The following DNASE1L3 variants were observed in gnomAD, a reference collection of about 807,000 sequenced individuals.
DNASE1L3 encodes the protein deoxyribonuclease 1L3, also known as deoxyribonuclease gamma.
A neutral mutation model predicts 30.9 loss-of-function variants in DNASE1L3; 27 were observed. That is an observed-to-expected ratio of 0.87 (90% CI 0.64 to 1.20). The LOEUF is 1.20. Among genes scored for constraint, DNASE1L3 ranks in the 50% most tolerant of loss-of-function variants. The pLI, the probability that DNASE1L3 is intolerant of heterozygous loss-of-function variation, is 0.00. For missense variants in DNASE1L3, 364 were observed against 378.2 expected (o/e 0.96, Z 0.31); for synonymous variants, 135 against 138.0 (o/e 0.98, Z 0.15).
In DNASE1L3 at chr3:58,192,802, G is replaced by C. The variant is rs113005222; in HGVS notation, c.803C>G (p.Ala268Gly). 3.8e-5 allele frequency: 61 copies of C among 1,612,536 alleles called. No homozygotes were observed. In the African/African-American group the frequency reaches 4.4e-4, roughly 12 times the overall value. Residue 268 changes from alanine (A) to glycine (G), a missense_variant and splice_region_variant, in exon 8 of 8, where the codon GCC becomes GGC. By Grantham distance (60) the Ala-to-Gly change is moderately conservative. Coordinates refer to ENST00000394549, the MANE Select transcript of DNASE1L3 (RefSeq NM_004944.4). The surrounding 1 kb of genome is among the most constrained non-coding windows in gnomAD (Gnocchi z 4.8). ...TGGAAAGTGGTCGCTGACATCCAGG[G>C]CCTATAAGGAGAAAGGGGAGGTAGA... ...QKAYKLTEEEALDVSDHFPVE... is the reference protein window; with the variant it reads ...QKAYKLTEEEGLDVSDHFPVE...
chr3:58,208,083 G>T, intron 2 of DNASE1L3, 135 bp downstream of exon 2: 1 of 770,258 alleles, frequency 1.3e-6, no homozygotes, highest in Non-Finnish European at 2.1e-6. Context: ...TAAGGGAGCT[G>T]GACTCCTGGG....
intron 2 of DNASE1L3, among the ~76,000 whole-genome samples, chr3:58,207,410 C>A: frequency 6.7e-6 from 1 of 148,866 alleles, no homozygotes. Context: ...CACTCCTTCA[C>A]TAACCCCTTT....
chr3:58,199,623 C>T (rs1447023136), intron 5 of DNASE1L3, among the ~76,000 whole-genome samples: 2 of 151,318 alleles, frequency 1.3e-5, no homozygotes, highest in Non-Finnish European at 2.9e-5. Flanking sequence ...GAGATTGCAC[C>T]ATTGCACTCC....
At chr3:58,208,126 C>A in intron 2 of DNASE1L3, 92 bp downstream of exon 2, 1 of 1,245,910 alleles carries the variant, frequency 8.0e-7, no homozygotes, top group Non-Finnish European at 1.2e-6. Context: ...TGGTCAAGTG[C>A]GGGATCTCAC....
rs2097403812 is a variant in DNASE1L3, at chr3:58,206,216, C to A, written c.231-656G>T. Among the ~76,000 whole-genome samples, 3 of 152,196 alleles carry A rather than the reference C, an allele frequency of 2.0e-5. No individual in the cohort carries two copies. The South Asian group carries it at 6.2e-4, about 32-fold the overall frequency. On this transcript the variant is annotated intron_variant, in intron 2 of 7. Coordinates refer to ENST00000394549, the MANE Select transcript of DNASE1L3 (RefSeq NM_004944.4). ...GGACTCTTTCTGTGTGTTTACCAAA[C>A]CTGCTGATAACTCCACTCTGGGCAG...
chr3:58,209,472 C>T (rs2097406244), intron 1 of DNASE1L3, among the ~76,000 whole-genome samples: 1 of 152,180 alleles, frequency 6.6e-6, no homozygotes, highest in South Asian at 2.1e-4. Flanking sequence ...TCATGGCTCC[C>T]ACAGGCTTGG....
chr3:58,197,021 A>G lies in DNASE1L3; in HGVS notation c.704+800T>C, dbSNP rs1324118681. Among the ~76,000 whole-genome samples, 1 of 152,220 alleles carries G rather than the reference A, an allele frequency of 6.6e-6. No homozygotes were observed. Among genetic ancestry groups the G allele is most frequent in the Non-Finnish European group, 1.5e-5 (1 of 68,040 alleles). ...TATTTATAACAGCAAACCCTTGGTA[A>G]TAACCCAATGCCTAATGATGGGGAT... On this transcript the variant is annotated intron_variant, in intron 6 of 7. Coordinates refer to ENST00000394549, the MANE Select transcript of DNASE1L3 (RefSeq NM_004944.4). This position sits in a 1 kb window ranked among gnomAD's most constrained non-coding sequence, Gnocchi z 5.3.
rs755019518 is a variant in DNASE1L3 at position 58,192,840 on chromosome 3, G to A, written c.802-37C>T. On this transcript the variant is annotated intron_variant, in intron 7 of 7. Coordinates refer to ENST00000394549, the MANE Select transcript of DNASE1L3 (RefSeq NM_004944.4). This position sits in a 1 kb window ranked among gnomAD's most constrained non-coding sequence, Gnocchi z 4.8. ...AAGGGGAGGTAGACATGGAAATTAG[G>A]AGATGCCTGGGAGATGCTTTCATTT... The A allele has an allele frequency of 1.2e-6, 2 of 1,602,888 alleles. No individual in the cohort carries two copies. The highest frequency in any genetic ancestry group is 1.8e-5 in the Admixed American group (1 of 56,930).
rs138248740 is a variant in DNASE1L3 at position 58,193,367 on chromosome 3, T to C, written c.777A>G (p.Lys259=). Residue 259 remains lysine, a synonymous_variant, in exon 7 of 8, where the codon AAA becomes AAG. Coordinates refer to ENST00000394549, the MANE Select transcript of DNASE1L3 (RefSeq NM_004944.4). ...CCTCCTCTTCAGTCAGCTTGTAAGC[T>C]TTCTGGAAGTCAAAAACACTGTTTG... ...PKSNSVFDFQ[K]AYKLTEEEAL... is the part of the protein sequence containing the mutation. 5.1e-4 allele frequency: 830 copies of C among 1,614,022 alleles called. No homozygotes were observed. Among genetic ancestry groups the C allele is most frequent in the Non-Finnish European group, 6.7e-4 (792 of 1,180,026 alleles).
chr3:58,205,420 A>C (rs2097403234), intron 3 of DNASE1L3, 51 bp downstream of exon 3: 3 of 1,494,528 alleles, frequency 2.0e-6, no homozygotes, highest in Non-Finnish European at 1.9e-6. Flanking sequence ...ATTTTGATTC[A>C]ATTCACGATT....
At chr3:58,204,920 C>T (rs369683620) in intron 3 of DNASE1L3, 39 bp from the exon 4 acceptor site, 2 of 1,588,956 alleles carry the variant, frequency 1.3e-6, no homozygotes, top group African/African-American at 1.3e-5. Flanking sequence ...GCTGAGTCAG[C>T]CCTTTTCTTA....
chr3:58,208,696 C>T (rs929287023), intron 1 of DNASE1L3, among the ~76,000 whole-genome samples: 2 of 152,046 alleles, frequency 1.3e-5, no homozygotes, highest in Non-Finnish European at 2.9e-5. Flanking sequence ...AGATAACAGA[C>T]TGGATTAGAA....
chr3:58,193,551 G>A (rs1488810442), intron 6 of DNASE1L3, 112 bp from the exon 7 acceptor site: 4 of 896,242 alleles, frequency 4.5e-6, no homozygotes, highest in Non-Finnish European at 5.2e-6. Flanking sequence ...GCCCTTTCAT[G>A]TGGCGCTCAA....
In DNASE1L3 at chr3:58,208,184, T is replaced by G. The variant is rs372702807; in HGVS notation, c.230+34A>C. 4 of 1,607,332 alleles carry G rather than the reference T, an allele frequency of 2.5e-6. No homozygotes were observed. In the East Asian group the frequency reaches 8.9e-5, roughly 36 times the overall value. Reference sequence around the variant, plus strand: ...TTTCAGATGCCCTTGCACTTGACCTTGAGCCCTAGAGGGCCCACCCTTCCC... The same window carrying G: ...TTTCAGATGCCCTTGCACTTGACCTGGAGCCCTAGAGGGCCCACCCTTCCC... On this transcript the variant is annotated intron_variant, in intron 2 of 7. Coordinates refer to ENST00000394549, the MANE Select transcript of DNASE1L3 (RefSeq NM_004944.4).
At chr3:58,195,639 A>AAAAAAAAGG (rs1575495396) in intron 6 of DNASE1L3, among the ~76,000 whole-genome samples, 1 of 149,214 alleles carries the variant, frequency 6.7e-6, no homozygotes, top group African/African-American at 2.5e-5. Context: ...AAAAAAAAAA[A>AAAAAAAAGG]GCGGGGCATG....
chr3:58,201,126 A>G lies in DNASE1L3; in HGVS notation c.434-17T>C, dbSNP rs2097400294. Reference sequence around the variant, plus strand: ...CTTTGACAGCTGAGAAACAGGAAAGAGGCGGGGGTCACACACTTCCCCTGT... The same window carrying G: ...CTTTGACAGCTGAGAAACAGGAAAGGGGCGGGGGTCACACACTTCCCCTGT... On this transcript the variant is annotated splice_polypyrimidine_tract_variant and intron_variant, in intron 4 of 7. Transcript: ENST00000394549. 2 of 1,597,428 alleles carry G rather than the reference A, an allele frequency of 1.3e-6. No homozygotes were observed. Among genetic ancestry groups the G allele is most frequent in the African/African-American group, 2.7e-5 (2 of 74,604 alleles).
chr3:58,200,868 G>T lies in DNASE1L3; in HGVS notation c.546+129C>A. On this transcript the variant is annotated intron_variant, in intron 5 of 7. Transcript: ENST00000394549. The surrounding 1 kb of genome is among the most constrained non-coding windows in gnomAD (Gnocchi z 4.2). The stretch of plus-strand genomic sequence containing the variant: ...CTTAGGGCTGAAGAAAGGCCTTAAA[G>T]AATGCTGTAAGTGGTGGTAGCCTGC... 1 of 657,356 alleles carries T rather than the reference G, an allele frequency of 1.5e-6. No homozygotes were observed. Among genetic ancestry groups the T allele is most frequent in the Non-Finnish European group, 2.6e-6 (1 of 391,138 alleles). 40.7% of individuals were successfully genotyped at this position (657,356 alleles called of 1,614,324 possible).
Position 58,192,817 on chromosome 3 carries a change from G to C in DNASE1L3, c.802-14C>G. The C allele has an allele frequency of 6.2e-7, 1 of 1,606,710 alleles. No homozygotes were observed. Reference sequence around the variant, plus strand: ...GACATCCAGGGCCTATAAGGAGAAAGGGGAGGTAGACATGGAAATTAGGAG... The same window carrying C: ...GACATCCAGGGCCTATAAGGAGAAACGGGAGGTAGACATGGAAATTAGGAG... On this transcript the variant is annotated splice_polypyrimidine_tract_variant and intron_variant, in intron 7 of 7. Coordinates refer to ENST00000394549, the MANE Select transcript of DNASE1L3 (RefSeq NM_004944.4). This position sits in a 1 kb window ranked among gnomAD's most constrained non-coding sequence, Gnocchi z 4.8.
At chr3:58,203,535 C>T (rs2097402116) in intron 4 of DNASE1L3, among the ~76,000 whole-genome samples, 1 of 152,212 alleles carries the variant, frequency 6.6e-6, no homozygotes, top group Admixed American at 6.5e-5. Flanking sequence ...CAGTGGCTTA[C>T]ACCTGTAATC....
Sources: allele counts gnomAD v4.1 joint callset (sites outside exome capture counted in the v4.1 genomes callset), GRCh38; gene constraint gnomAD v4.1.1; non-coding constraint Gnocchi (gnomAD v3.1); transcripts MANE v1.5; gene names NCBI Gene and HGNC (gene_info 2026-07-23, HGNC 2026-07-21).